The following GLRA2 variants were observed in gnomAD, a reference collection of about 807,000 sequenced individuals.
The protein encoded by GLRA2 is glycine receptor subunit alpha-2.
In GLRA2, 11 loss-of-function variants were observed where a neutral mutation model predicts 31.6. The ratio of observed to expected loss-of-function variants is 0.35; its 90% CI spans 0.22 to 0.58. The LOEUF (loss-of-function observed/expected upper bound fraction) is 0.58. Ranked by LOEUF, GLRA2 falls within the 20% of genes least tolerant of loss-of-function variation. The probability of loss-of-function intolerance (pLI) is 0.84; values close to 1 mark genes in which losing one functional copy is unlikely to be tolerated. For synonymous variants in GLRA2, 132 were observed against 134.0 expected, an observed-to-expected ratio of 0.99 and a Z score of 0.10; for missense variants, 212 against 351.8, an observed-to-expected ratio of 0.60 and a Z score of 3.18.
At chrX:14,480,040 T>C in the GLRA2 span, among the ~76,000 whole-genome samples, 6 of 111,836 alleles carry the variant, frequency 5.4e-5, no homozygotes, top group Non-Finnish European at 9.4e-5. Context: ...ATCTGTTTTT[T>C]GATTTTTTAA....
the GLRA2 span, among the ~76,000 whole-genome samples, chrX:14,491,691 C>T: frequency 2.7e-5 from 3 of 111,368 alleles, no homozygotes; most frequent in East Asian, 8.4e-4. Context: ...ATGCAGGGCA[C>T]ACTTGAGTAG....
intron 8 of GLRA2, among the ~76,000 whole-genome samples, chrX:14,721,331 C>A: frequency 1.7e-5 from 1 of 60,236 alleles, no homozygotes; most frequent in Admixed American, 1.5e-4. Context: ...TAAGTGTTCT[C>A]ACCACAAAAA....
chrX:14,726,582 A>C (rs942238661), intron 8 of GLRA2, among the ~76,000 whole-genome samples: 1 of 112,399 alleles, frequency 8.9e-6, no homozygotes, highest in African/African-American at 3.2e-5. Flanking sequence ...AACCCTCTTA[A>C]AATTCCCTTT....
chrX:14,556,756 A>G (rs2089647636), intron 2 of GLRA2, among the ~76,000 whole-genome samples: 1 of 112,149 alleles, frequency 8.9e-6, no homozygotes, highest in African/African-American at 3.2e-5. Context: ...CCTCTCTGTG[A>G]TGCTTGGTTG....
intron 4 of GLRA2, among the ~76,000 whole-genome samples, chrX:14,594,940 GAAAAAAA>G (rs533954335): frequency 1.4e-4 from 11 of 77,465 alleles, no homozygotes; most frequent in African/African-American, 5.1e-4. Context: ...AGGTCAACAG[GAAAAAAA>G]AAAAAAAAAA....
At chrX:14,510,505 C>T in the GLRA2 span, among the ~76,000 whole-genome samples, 1 of 110,787 alleles carries the variant, frequency 9.0e-6, no homozygotes, top group Non-Finnish European at 1.9e-5. Flanking sequence ...TCTGGAGGGA[C>T]AAAGGGGGAA....
At chrX:14,542,121 A>G (rs902009418) in intron 2 of GLRA2, among the ~76,000 whole-genome samples, 1 of 111,894 alleles carries the variant, frequency 8.9e-6, no homozygotes, top group Admixed American at 9.5e-5. Context: ...TATAGTCTGC[A>G]AAGTGACCAT....
chrX:14,655,463 T>A (rs61551883), intron 7 of GLRA2, among the ~76,000 whole-genome samples: 1,889 of 111,380 alleles, frequency 0.017, 35 homozygotes, highest in African/African-American at 0.05. Context: ...ACTCCTGAAT[T>A]ACTTCCTTCT....
intron 7 of GLRA2, among the ~76,000 whole-genome samples, chrX:14,677,379 C>A (rs959638744): frequency 9.0e-6 from 1 of 111,575 alleles, no homozygotes; most frequent in Non-Finnish European, 1.9e-5. Context: ...ATCTATATTC[C>A]CCCAAGTATC....
the GLRA2 span, among the ~76,000 whole-genome samples, chrX:14,494,839 C>G: frequency 1.1e-4 from 12 of 111,792 alleles, no homozygotes; most frequent in African/African-American, 3.9e-4. Context: ...TCCAGCAGTT[C>G]CAGTATTTGA....
chrX:14,709,151 C>T (rs2091676482), intron 8 of GLRA2, among the ~76,000 whole-genome samples: 1 of 111,027 alleles, frequency 9.0e-6, no homozygotes, highest in Non-Finnish European at 1.9e-5. Context: ...GGGAGGATCA[C>T]GTAGGCCAGC....
At chrX:14,469,966 AATTTG>A in the GLRA2 span, among the ~76,000 whole-genome samples, 1 of 111,813 alleles carries the variant, frequency 8.9e-6, no homozygotes, top group East Asian at 2.8e-4. Flanking sequence ...CCTTATGTAG[AATTTG>A]ATTTGAAGAA....
chrX:14,676,647 G>T (rs980057846), intron 7 of GLRA2, among the ~76,000 whole-genome samples: 7 of 111,986 alleles, frequency 6.3e-5, no homozygotes, highest in Non-Finnish European at 1.1e-4. Flanking sequence ...TTGTACAATG[G>T]TGACTCATTC....
the GLRA2 span, among the ~76,000 whole-genome samples, chrX:14,461,252 G>A: frequency 9.0e-6 from 1 of 111,730 alleles, no homozygotes; most frequent in Non-Finnish European, 1.9e-5. Flanking sequence ...ATTTGCTGAG[G>A]AGTGTTTTGC....
intron 7 of GLRA2, among the ~76,000 whole-genome samples, chrX:14,630,028 A>G (rs995623286): frequency 8.9e-6 from 1 of 111,887 alleles, no homozygotes; most frequent in Non-Finnish European, 1.9e-5. Context: ...GGTAGTTACC[A>G]TTTCCAATGT....
At chrX:14,466,902 C>CT in the GLRA2 span, among the ~76,000 whole-genome samples, 1 of 111,932 alleles carries the variant, frequency 8.9e-6, no homozygotes, top group African/African-American at 3.2e-5. Context: ...GCTGTGCATG[C>CT]TAATGCCTCA....
At chrX:14,510,427 C>T in the GLRA2 span, among the ~76,000 whole-genome samples, 3 of 111,427 alleles carry the variant, frequency 2.7e-5, no homozygotes, top group African/African-American at 9.8e-5. Flanking sequence ...GTCAATGAAG[C>T]CTAATTTTTG....
the GLRA2 span, among the ~76,000 whole-genome samples, chrX:14,461,944 T>C: frequency 1.1e-4 from 12 of 112,279 alleles, no homozygotes; most frequent in African/African-American, 3.6e-4. Context: ...TTCATAGCGT[T>C]GATGGTCTTT....
At chrX:14,712,372 C>G (rs1368160336) in intron 8 of GLRA2, among the ~76,000 whole-genome samples, 2 of 111,794 alleles carry the variant, frequency 1.8e-5, no homozygotes, top group Non-Finnish European at 3.8e-5. Context: ...AAAAATGACC[C>G]TAGTTGAGAA....
Sources: allele counts gnomAD v4.1 joint callset (sites outside exome capture counted in the v4.1 genomes callset), GRCh38; gene constraint gnomAD v4.1.1; transcripts MANE v1.5; gene names NCBI Gene and HGNC (gene_info 2026-07-23, HGNC 2026-07-21).